DRICH1: variants seen among roughly 807,000 people sequenced by gnomAD.
The protein encoded by DRICH1 is aspartate rich 1.
In DRICH1, 38 loss-of-function variants were observed where a neutral mutation model predicts 39.5. The observed-to-expected ratio is 0.96, with a 90% CI of 0.74 to 1.26. The LOEUF is 1.26. DRICH1 is among the 50% of genes most tolerant of loss of function. The pLI, the probability that DRICH1 is intolerant of heterozygous loss-of-function variation, is 0.00. For missense variants in DRICH1, 279 were observed against 270.4 expected, an observed-to-expected ratio of 1.03 and a Z score of -0.22; for synonymous variants, 84 against 99.5, an observed-to-expected ratio of 0.84 and a Z score of 0.93.
chr22:23,623,916 A>G, intron 3 of DRICH1: 4 of 976,388 alleles, frequency 4.1e-6, no homozygotes, highest in South Asian at 4.7e-5. Flanking sequence ...TCCACAAATG[A>G]TGGTAAAACT....
In DRICH1 at chr22:23,613,351, G is replaced by A. The variant is rs757294175; in HGVS notation, c.644-21C>T. 4 of 1,604,084 alleles carry A rather than the reference G, an allele frequency of 2.5e-6. No individual in the cohort carries two copies. In the East Asian group the frequency reaches 6.7e-5, roughly 27 times the overall value. On this transcript the variant is annotated intron_variant, in intron 10 of 11. Coordinates refer to ENST00000317749, the MANE Select transcript of DRICH1 (RefSeq NM_016449.4). ...CAAGTCTTTAGAAACAAAAACACCA[G>A]AATAAGTCATTAGAGAGAGTGACTC...
At chr22:23,628,252 G>C (rs1928187696) in intron 1 of DRICH1, among the ~76,000 whole-genome samples, 1 of 152,154 alleles carries the variant, frequency 6.6e-6, no homozygotes, top group African/African-American at 2.4e-5. Flanking sequence ...CAGGCTCAGT[G>C]CTAGGGGGCT....
downstream of DRICH1, among the ~76,000 whole-genome samples, chr22:23,604,369 C>T (rs146678888): frequency 4.8e-3 from 733 of 152,250 alleles, 5 homozygotes; most frequent in Non-Finnish European, 7.9e-3. Context: ...TGTGGAGACC[C>T]CTCAGGCTTT....
At chr22:23,599,772 A>G in the DRICH1 span, among the ~76,000 whole-genome samples, 1 of 151,984 alleles carries the variant, frequency 6.6e-6, no homozygotes, top group African/African-American at 2.4e-5. Context: ...CTTTGCTGAC[A>G]TGGGATCCCC....
chr22:23,582,462 C>T, the DRICH1 span, among the ~76,000 whole-genome samples: 6 of 151,974 alleles, frequency 3.9e-5, no homozygotes, highest in Admixed American at 3.9e-4. Context: ...TTTGGGTACT[C>T]TGGATACCTC....
At chr22:23,617,359 C>G (rs1028251288) in intron 7 of DRICH1, among the ~76,000 whole-genome samples, 2 of 151,604 alleles carry the variant, frequency 1.3e-5, no homozygotes, top group Non-Finnish European at 2.9e-5. Context: ...TACAAAGTGC[C>G]TTGAACCGGT....
downstream of DRICH1, among the ~76,000 whole-genome samples, chr22:23,603,964 C>A (rs550963174): frequency 2.8e-4 from 43 of 152,252 alleles, 1 homozygote; most frequent in South Asian, 8.7e-3. Flanking sequence ...TGACATGATC[C>A]CAGTGTTAAC....
At chr22:23,623,002 C>G (rs1927854651) in intron 3 of DRICH1, among the ~76,000 whole-genome samples, 3 of 152,126 alleles carry the variant, frequency 2.0e-5, no homozygotes, top group Non-Finnish European at 2.9e-5. Flanking sequence ...TACAAATGAA[C>G]AAATTCATTA....
At chr22:23,610,536 T>A (rs1602329099) in intron 11 of DRICH1, 1 of 152,252 alleles carries the variant, frequency 6.6e-6, no homozygotes, top group African/African-American at 2.4e-5. Context: ...CATGTGCTAC[T>A]GGGGTGCCTG....
chr22:23,606,869 T>C (rs1217885681), downstream of DRICH1, among the ~76,000 whole-genome samples: 1 of 152,246 alleles, frequency 6.6e-6, no homozygotes, highest in Admixed American at 6.5e-5. Flanking sequence ...CACAGCCTCC[T>C]GCTGGCTTCT....
intron 1 of DRICH1, among the ~76,000 whole-genome samples, chr22:23,627,620 C>G (rs2123795326): frequency 6.6e-6 from 1 of 152,300 alleles, no homozygotes; most frequent in South Asian, 2.1e-4. Flanking sequence ...GAACAACATC[C>G]AGGTCCAGAG....
intron 5 of DRICH1, 142 bp from the exon 6 acceptor site, chr22:23,619,535 C>A: frequency 1.5e-6 from 1 of 681,094 alleles, no homozygotes; most frequent in Non-Finnish European, 2.7e-6. Context: ...GAAATGCAAA[C>A]AGCATGCTTC....
the DRICH1 span, among the ~76,000 whole-genome samples, chr22:23,592,835 TACACACACACACACACACAC>T: frequency 7.4e-5 from 10 of 135,136 alleles, no homozygotes; most frequent in African/African-American, 2.6e-4. Context: ...CTATTAAAAA[TACACACACACACACACACAC>T]ACACACACAC....
At chr22:23,632,680 G>GGGT (rs1555910834), upstream of DRICH1, 4 of 152,360 alleles carry the variant, frequency 2.6e-5, no homozygotes, top group African/African-American at 9.7e-5. Context: ...GGCTGAGCGG[G>GGGT]GGGGGTGGAT....
chr22:23,602,578 G>C, the DRICH1 span, among the ~76,000 whole-genome samples: 5 of 152,166 alleles, frequency 3.3e-5, no homozygotes, highest in Non-Finnish European at 7.4e-5. Flanking sequence ...CCAGCTACGC[G>C]AGAGGCTGAG....
chr22:23,603,990 C>T (rs1329857006), downstream of DRICH1, among the ~76,000 whole-genome samples: 6 of 152,154 alleles, frequency 3.9e-5, no homozygotes, highest in Non-Finnish European at 8.8e-5. Context: ...ATCAAAAAAG[C>T]CCAGGGCTGT....
the DRICH1 span, among the ~76,000 whole-genome samples, chr22:23,599,795 C>A: frequency 6.6e-6 from 1 of 152,184 alleles, no homozygotes; most frequent in African/African-American, 2.4e-5. Flanking sequence ...TATCCCCTGC[C>A]CCTCATCGTC....
At position 23,632,001 on chromosome 22, in the gene DRICH1, C is replaced by A; in HGVS notation, c.23G>T (p.Cys8Phe). 3 of 1,613,424 alleles carry A rather than the reference C, an allele frequency of 1.9e-6. No individual in the cohort carries two copies. Among genetic ancestry groups the A allele is most frequent in the South Asian group, 1.1e-5 (1 of 91,034 alleles). The change falls in exon 1 of 12, where the codon TGT (cysteine) becomes TTT (phenylalanine). Residue 8 changes from cysteine (C) to phenylalanine (F), a missense_variant. Coordinates refer to ENST00000317749, the MANE Select transcript of DRICH1 (RefSeq NM_016449.4). MGNILTC[C>F]INSHCGWPRG... ...GGGCCAGCCACAGTGGGAGTTGATA[C>A]AACAGGTCAGTATATTCCCCATGGG...
chr22:23,624,202 G>A (rs542848158), intron 3 of DRICH1: 24 of 985,260 alleles, frequency 2.4e-5, no homozygotes, highest in Non-Finnish European at 2.9e-5. Flanking sequence ...CTGGCACACC[G>A]CAGAAGAATT....
Sources: gnomAD v4.1 joint callset for allele counts (sites outside exome capture counted in the v4.1 genomes callset) on GRCh38, gnomAD v4.1.1 for gene constraint, MANE v1.5 for transcripts, NCBI Gene and HGNC (gene_info 2026-07-23, HGNC 2026-07-21) for gene names.